SUGCT: variants seen among roughly 807,000 people sequenced by gnomAD.
SUGCT encodes succinyl-CoA:glutarate-CoA transferase.
A neutral mutation model predicts 55.0 loss-of-function variants in SUGCT; 41 were observed. That is an observed-to-expected ratio of 0.74 (90% CI 0.58 to 0.97). The LOEUF (loss-of-function observed/expected upper bound fraction) is 0.97, where lower values mean the gene tolerates loss of function less well. Among genes scored for constraint, SUGCT ranks in the 50% least tolerant of loss-of-function variants. The probability of loss-of-function intolerance (pLI) is 0.00; values close to 1 mark genes in which losing one functional copy is unlikely to be tolerated. For missense variants in SUGCT, 568 were observed against 547.8 expected, an observed-to-expected ratio of 1.04 and a Z score of -0.37; for synonymous variants, 187 against 200.4, an observed-to-expected ratio of 0.93 and a Z score of 0.56.
At chr7:40,993,013 G>A in the SUGCT span, among the ~76,000 whole-genome samples, 1 of 152,126 alleles carries the variant, frequency 6.6e-6, no homozygotes, top group African/African-American at 2.4e-5. Flanking sequence ...TTGGTTCCCT[G>A]GTATAGGTTT....
the SUGCT span, among the ~76,000 whole-genome samples, chr7:40,880,830 T>C: frequency 1.3e-5 from 2 of 152,156 alleles, no homozygotes; most frequent in Admixed American, 1.3e-4. Context: ...TGTGCAAAGG[T>C]AGCCAGTTAG....
At chr7:40,186,097 T>G (rs963851027) in intron 3 of SUGCT, among the ~76,000 whole-genome samples, 6 of 148,904 alleles carry the variant, frequency 4.0e-5, no homozygotes, top group Non-Finnish European at 5.9e-5. Context: ...TTTTCTTCCT[T>G]CCTTCCTTCC....
intron 9 of SUGCT, among the ~76,000 whole-genome samples, chr7:40,421,510 A>C (rs757000744): frequency 6.6e-6 from 1 of 152,132 alleles, no homozygotes. Context: ...TCTGAATTCC[A>C]TGAGCTTCTT....
At chr7:40,732,624 A>G (rs951504208) in intron 12 of SUGCT, among the ~76,000 whole-genome samples, 1 of 152,182 alleles carries the variant, frequency 6.6e-6, no homozygotes, top group African/African-American at 2.4e-5. Flanking sequence ...AAGATAAAGC[A>G]TGGATCTGAA....
chr7:40,654,266 GA>G (rs139899538), intron 12 of SUGCT, among the ~76,000 whole-genome samples: 4,045 of 151,322 alleles, frequency 0.027, 160 homozygotes, highest in African/African-American at 0.092. Flanking sequence ...GAGCTCAGGG[GA>G]AAAAAAAAGT....
chr7:40,641,190 A>C (rs1172603511), intron 12 of SUGCT, among the ~76,000 whole-genome samples: 6 of 152,190 alleles, frequency 3.9e-5, no homozygotes. Context: ...ATACACACCA[A>C]ATAATAAAAC....
At chr7:40,532,308 G>C (rs1284292427) in intron 12 of SUGCT, among the ~76,000 whole-genome samples, 1 of 152,168 alleles carries the variant, frequency 6.6e-6, no homozygotes, top group Non-Finnish European at 1.5e-5. Flanking sequence ...TACTCCTTGA[G>C]TGACCATCAG....
At chr7:40,955,481 T>A in the SUGCT span, among the ~76,000 whole-genome samples, 1 of 152,220 alleles carries the variant, frequency 6.6e-6, no homozygotes, top group East Asian at 1.9e-4. Context: ...GCTTGTTGAT[T>A]TTGTATCATG....
the SUGCT span, among the ~76,000 whole-genome samples, chr7:40,907,229 C>T: frequency 6.6e-6 from 1 of 151,848 alleles, no homozygotes; most frequent in South Asian, 2.1e-4. Context: ...TAAACTCTTT[C>T]TTAGCTCAGA....
the SUGCT span, among the ~76,000 whole-genome samples, chr7:40,902,360 A>T: frequency 6.6e-6 from 1 of 152,082 alleles, no homozygotes; most frequent in East Asian, 1.9e-4. Flanking sequence ...CAGGTGGATC[A>T]CGAGGTCCGG....
At chr7:40,777,571 A>G (rs1172923048) in intron 13 of SUGCT, among the ~76,000 whole-genome samples, 1 of 152,130 alleles carries the variant, frequency 6.6e-6, no homozygotes, top group East Asian at 1.9e-4. Flanking sequence ...AATTGCTTGA[A>G]GTACTCACAT....
chr7:40,629,108 G>A (rs541257223), intron 12 of SUGCT, among the ~76,000 whole-genome samples: 6 of 152,286 alleles, frequency 3.9e-5, no homozygotes, highest in African/African-American at 1.4e-4. Context: ...GGGATGGAAT[G>A]CAGGAACCCT....
chr7:40,598,971 C>T (rs1798160209), intron 12 of SUGCT, among the ~76,000 whole-genome samples: 1 of 152,148 alleles, frequency 6.6e-6, no homozygotes, highest in Admixed American at 6.5e-5. Context: ...TCTTTTCTGT[C>T]CACGATTCTA....
chr7:41,003,080 T>C, the SUGCT span, among the ~76,000 whole-genome samples: 77 of 152,194 alleles, frequency 5.1e-4, 1 homozygote, highest in Non-Finnish European at 8.4e-4. Flanking sequence ...TTAAGAAAGA[T>C]GAAATCCGTG....
the SUGCT span, among the ~76,000 whole-genome samples, chr7:40,900,183 CGTAT>C: frequency 6.6e-6 from 1 of 152,226 alleles, no homozygotes; most frequent in African/African-American, 2.4e-5. Context: ...AGCTTCTCTG[CGTAT>C]TTCAAATCAT....
At position 40,446,881 on chromosome 7, in the gene SUGCT, G is replaced by T. The variant is rs149061786; in HGVS notation, c.817-2406G>T. ...CTAATACAGTAGCCACTAGCCACAC[G>T]TGGCTATTGAATGCTTGATATTTAG... On this transcript the variant is annotated intron_variant, in intron 9 of 13. Coordinates refer to ENST00000335693, the MANE Select transcript of SUGCT (RefSeq NM_001193313.2). Among the ~76,000 whole-genome samples the T allele has an allele frequency of 2.4e-3, 363 of 152,308 alleles. 1 individual carries two copies. Among genetic ancestry groups the T allele is most frequent in the African/African-American group, 8.5e-3 (352 of 41,582 alleles).
At chr7:40,946,311 G>C in the SUGCT span, among the ~76,000 whole-genome samples, 1 of 152,140 alleles carries the variant, frequency 6.6e-6, no homozygotes, top group East Asian at 1.9e-4. Context: ...ACCATAGTGG[G>C]TGGAGGGGTA....
chr7:40,644,253 C>T (rs886765), intron 12 of SUGCT, among the ~76,000 whole-genome samples: 10,441 of 152,238 alleles, frequency 0.069, 448 homozygotes, highest in Middle Eastern at 0.16. Flanking sequence ...AGCGAACACC[C>T]TGTCTCCTGA....
chr7:40,669,580 C>T (rs550252275), intron 12 of SUGCT, among the ~76,000 whole-genome samples: 1 of 149,658 alleles, frequency 6.7e-6, no homozygotes, highest in East Asian at 2.0e-4. Flanking sequence ...AATAGAAGAT[C>T]TAAAAAAGAA....
Sources: gnomAD v4.1 joint callset for allele counts (sites outside exome capture counted in the v4.1 genomes callset) on GRCh38, gnomAD v4.1.1 for gene constraint, MANE v1.5 for transcripts, NCBI Gene and HGNC (gene_info 2026-07-23, HGNC 2026-07-21) for gene names.